The following PCDH7 variants were observed in gnomAD, a reference collection of about 807,000 sequenced individuals.
The protein encoded by PCDH7 is protocadherin 7.
PCDH7 carries 17 observed loss-of-function variants against 58.9 expected under a neutral mutation model. That is an observed-to-expected ratio of 0.29 (90% CI 0.20 to 0.43). The LOEUF is 0.43. PCDH7 is among the 20% of genes least tolerant of loss of function. The pLI is 1.00. For synonymous variants in PCDH7, 664 were observed against 616.4 expected, an observed-to-expected ratio of 1.08 and a Z score of -1.14; for missense variants, 1,274 against 1,441.0, an observed-to-expected ratio of 0.88 and a Z score of 1.88.
intron 1 of PCDH7, among the ~76,000 whole-genome samples, chr4:30,904,055 A>C (rs56721987): frequency 0.014 from 2,152 of 152,232 alleles, 45 homozygotes; most frequent in African/African-American, 0.049. Context: ...CACCCATTTA[A>C]ATTTCAATGA....
In PCDH7 at chr4:30,722,058, C is replaced by G. The variant is rs1302568968; in HGVS notation, c.636C>G (p.Asn212Lys). ...CCCCCTACCCCGGGGGCGGCGGGAA[C>G]GGCGCGAGCGGCGGCGGCTCGGGAG... Residue 212 changes from asparagine (N) to lysine (K), a missense_variant, in exon 1 of 2, where the codon AAC becomes AAG. By Grantham distance (94) the Asn-to-Lys change is moderately conservative. Around this residue, in one of 3 missense-constraint regions of PCDH7, gnomAD observed 331 missense variants for 303.2 expected, o/e 1.09. Transcript: ENST00000361762. The surrounding 1 kb of genome is among the most constrained non-coding windows in gnomAD (Gnocchi z 7.6). 3 of 1,238,268 alleles carry G rather than the reference C, an allele frequency of 2.4e-6. No individual in the cohort carries two copies. The highest frequency in any genetic ancestry group is 3.1e-4 in the Middle Eastern group (1 of 3,258). 76.7% of individuals were successfully genotyped at this position (1,238,268 alleles called of 1,614,324 possible).
chr4:31,027,842 G>A (rs1482225706), intron 3 of PCDH7, among the ~76,000 whole-genome samples: 1 of 152,126 alleles, frequency 6.6e-6, no homozygotes, highest in Non-Finnish European at 1.5e-5. Flanking sequence ...TGAAATTACT[G>A]TGTGTAACAT....
intron 3 of PCDH7, among the ~76,000 whole-genome samples, chr4:31,048,566 C>T (rs1468687825): frequency 2.6e-5 from 4 of 152,044 alleles, no homozygotes; most frequent in Non-Finnish European, 5.9e-5. Context: ...TATGCAAGGA[C>T]AGACCTGTTA....
rs533321484 is a variant in PCDH7, at chr4:30,805,576, A to T, written c.70+80980A>T. Reference sequence around the variant, plus strand: ...AACATAATAGAGCAAAAGTAAAATCATGGATTATTTCCCTCTCAAATATTC... The same window carrying T: ...AACATAATAGAGCAAAAGTAAAATCTTGGATTATTTCCCTCTCAAATATTC... On this transcript the variant is annotated intron_variant, in intron 1 of 3. Transcript: ENST00000509759. 3.9e-5 allele frequency among the ~76,000 whole-genome samples: 6 copies of T among 152,354 alleles called. No individual in the cohort carries two copies. In the East Asian group the frequency reaches 1.2e-3, roughly 29 times the overall value.
intron 1 of PCDH7, among the ~76,000 whole-genome samples, chr4:30,913,548 C>T (rs1742048626): frequency 6.6e-6 from 1 of 152,064 alleles, no homozygotes; most frequent in African/African-American, 2.4e-5. Context: ...GAGAGCTTTT[C>T]ATGTCATCTC....
intron 3 of PCDH7, among the ~76,000 whole-genome samples, chr4:30,980,957 C>T (rs140415929): frequency 0.012 from 1,840 of 152,246 alleles, 33 homozygotes; most frequent in African/African-American, 0.042. Context: ...ATTCTTCTGC[C>T]TCAGCCTCCC....
intron 3 of PCDH7, among the ~76,000 whole-genome samples, chr4:31,020,637 A>G (rs1391191754): frequency 5.3e-5 from 8 of 152,242 alleles, no homozygotes; most frequent in African/African-American, 1.9e-4. Context: ...ACCTGTGTGC[A>G]GAAGGGTGTG....
chr4:30,999,703 C>T (rs1752199438), intron 3 of PCDH7, among the ~76,000 whole-genome samples: 1 of 152,040 alleles, frequency 6.6e-6, no homozygotes, highest in Admixed American at 6.6e-5. Flanking sequence ...ATCAGCTACA[C>T]CAATTAATGC....
At chr4:30,974,604 G>A (rs1401941644) in intron 3 of PCDH7, among the ~76,000 whole-genome samples, 1 of 152,122 alleles carries the variant, frequency 6.6e-6, no homozygotes, top group Non-Finnish European at 1.5e-5. Flanking sequence ...TTCCCCTCAA[G>A]CTAATTTCTG....
intron 3 of PCDH7, among the ~76,000 whole-genome samples, chr4:31,052,392 A>T (rs1320262237): frequency 1.3e-5 from 2 of 152,172 alleles, no homozygotes; most frequent in Admixed American, 6.6e-5. Context: ...TTGAACAAGA[A>T]CTTACAGATT....
At chr4:31,120,502 G>A (rs1363510135) in intron 3 of PCDH7, among the ~76,000 whole-genome samples, 13 of 141,772 alleles carry the variant, frequency 9.2e-5, no homozygotes, top group Non-Finnish European at 1.7e-4. Context: ...CTGAAAATTA[G>A]GTATAATGGA....
chr4:30,828,014 C>T (rs1427173052), intron 1 of PCDH7, among the ~76,000 whole-genome samples: 1 of 152,068 alleles, frequency 6.6e-6, no homozygotes, highest in South Asian at 2.1e-4. Context: ...ACTTCTGTTG[C>T]CTCATCTATA....
intron 3 of PCDH7, among the ~76,000 whole-genome samples, chr4:31,093,652 C>G (rs1431483769): frequency 6.6e-6 from 1 of 152,044 alleles, no homozygotes; most frequent in Admixed American, 6.6e-5. Context: ...TAAACGTAAG[C>G]TTTTCTTAAA....
At chr4:31,026,776 T>C (rs1393061403) in intron 3 of PCDH7, among the ~76,000 whole-genome samples, 6 of 152,108 alleles carry the variant, frequency 3.9e-5, no homozygotes, top group African/African-American at 2.4e-5. Context: ...CACACACACA[T>C]AGACACACAT....
At chr4:30,997,723 G>A (rs143784758) in intron 3 of PCDH7, among the ~76,000 whole-genome samples, 2,093 of 152,218 alleles carry the variant, frequency 0.014, 45 homozygotes, top group African/African-American at 0.048. Flanking sequence ...TTAGCATAGC[G>A]TGTTGGAGGT....
intron 1 of PCDH7, among the ~76,000 whole-genome samples, chr4:30,725,853 G>A (rs542133024): frequency 6.6e-6 from 1 of 152,162 alleles, no homozygotes; most frequent in South Asian, 2.1e-4. Flanking sequence ...TTGCTTTCAT[G>A]ATTATTGAAA....
At chr4:30,885,831 A>G (rs1397984758) in intron 1 of PCDH7, among the ~76,000 whole-genome samples, 1 of 152,180 alleles carries the variant, frequency 6.6e-6, no homozygotes, top group Non-Finnish European at 1.5e-5. Flanking sequence ...ATCTACAACT[A>G]TCTGATCTTT....
chr4:31,074,302 C>T (rs982325479), intron 3 of PCDH7, among the ~76,000 whole-genome samples: 1 of 151,238 alleles, frequency 6.6e-6, no homozygotes, highest in East Asian at 1.9e-4. Context: ...TAGCACATTA[C>T]TGTTTTCTGA....
At chr4:30,878,618 A>T (rs7687267) in intron 1 of PCDH7, among the ~76,000 whole-genome samples, 4,925 of 152,164 alleles carry the variant, frequency 0.032, 273 homozygotes, top group African/African-American at 0.11. Flanking sequence ...GGGGGCCAAG[A>T]TAGGCAGATC....
Sources: gnomAD v4.1 joint callset for allele counts (sites outside exome capture counted in the v4.1 genomes callset) on GRCh38, gnomAD v4.1.1 for gene constraint, gnomAD v4.1.1 regional missense constraint, Gnocchi (gnomAD v3.1) non-coding constraint, MANE v1.5 for transcripts, NCBI Gene and HGNC (gene_info 2026-07-23, HGNC 2026-07-21) for gene names.